The following ZNF787 variants were observed in gnomAD, a reference collection of about 807,000 sequenced individuals.
ZNF787 encodes zinc finger protein 787.
A neutral mutation model predicts 16.9 loss-of-function variants in ZNF787; 7 were observed. The ratio of observed to expected loss-of-function variants is 0.42; its 90% CI spans 0.24 to 0.78. ZNF787 has a LOEUF of 0.78. Ranked by LOEUF, ZNF787 falls within the 30% of genes least tolerant of loss-of-function variation. The pLI is 0.30. For synonymous variants in ZNF787, 345 were observed against 270.9 expected, an observed-to-expected ratio of 1.27 and a Z score of -2.69; for missense variants, 551 against 589.3, an observed-to-expected ratio of 0.94 and a Z score of 0.67.
At chr19:56,099,120 C>G (rs983837620) in intron 2 of ZNF787, among the ~76,000 whole-genome samples, 1 of 152,184 alleles carries the variant, frequency 6.6e-6, no homozygotes, top group Non-Finnish European at 1.5e-5. Context: ...CCACTGCTGT[C>G]CGGGTTCCCT....
Position 56,087,842 on chromosome 19 carries a change from G to A in ZNF787, c.*181C>T, listed in dbSNP as rs1985351302. On this transcript the variant is annotated 3_prime_UTR_variant, in exon 3 of 3. Transcript: ENST00000610935. ...GAGTCTCGAGGCGGAGAAGTGAACG[G>A]GCCCTAATACGCCCCAGTGCCCCCC... The A allele has an allele frequency of 2.0e-6, 2 of 1,000,756 alleles. No homozygotes were observed. The highest frequency in any genetic ancestry group is 2.6e-6 in the Non-Finnish European group (2 of 776,006). 62.0% of individuals were successfully genotyped at this position (1,000,756 alleles called of 1,614,324 possible). A position where few individuals can be genotyped will look rare whatever the true frequency, so the allele number is the denominator to read the frequency against.
In ZNF787 at chr19:56,087,861, G is replaced by GC. The variant is rs200557300; in HGVS notation, c.*161dup. Reference sequence around the variant, plus strand: ...TGAACGGGCCCTAATACGCCCCAGTGCCCCCCCACGGACGGCGCAGGGACA... The same window carrying GC: ...TGAACGGGCCCTAATACGCCCCAGTGCCCCCCCCACGGACGGCGCAGGGACA... On this transcript the variant is annotated 3_prime_UTR_variant, in exon 3 of 3. Coordinates refer to ENST00000610935, the MANE Select transcript of ZNF787 (RefSeq NM_001002836.4). 1.6e-3 allele frequency: 1,838 copies of GC among 1,151,406 alleles called. 5 individuals are homozygous for GC. The highest frequency in any genetic ancestry group is 7.1e-3 in the South Asian group (241 of 33,948). The allele number at this position is 1,151,406 out of a possible 1,614,324, so 71.3% of individuals were successfully genotyped here. A position where few individuals can be genotyped will look rare whatever the true frequency, so the allele number is the denominator to read the frequency against.
At chr19:56,120,912 C>G (rs1315548114) in intron 1 of ZNF787, among the ~76,000 whole-genome samples, 1 of 138,568 alleles carries the variant, frequency 7.2e-6, no homozygotes, top group Non-Finnish European at 1.6e-5. Context: ...ACGCGCACCC[C>G]CCCTCCAGCC....
intron 1 of ZNF787, among the ~76,000 whole-genome samples, chr19:56,114,630 C>G (rs1362574160): frequency 6.6e-6 from 1 of 152,326 alleles, no homozygotes; most frequent in South Asian, 2.1e-4. Flanking sequence ...GCCCACACCC[C>G]ACCTTTCCCA....
intron 1 of ZNF787, among the ~76,000 whole-genome samples, chr19:56,120,578 A>C (rs1271818304): frequency 6.6e-6 from 1 of 152,140 alleles, no homozygotes. Context: ...ATCAAAGGCC[A>C]CGCGCAGCCC....
chr19:56,099,815 G>A (rs1234025889), intron 2 of ZNF787, among the ~76,000 whole-genome samples: 1 of 152,084 alleles, frequency 6.6e-6, no homozygotes, highest in Non-Finnish European at 1.5e-5. Flanking sequence ...GCCGTGTCAG[G>A]GGTCCAAGAC....
In ZNF787 at chr19:56,087,904, G is replaced by A. The variant is rs968506615; in HGVS notation, c.*119C>T. 52 of 1,270,664 alleles carry A rather than the reference G, an allele frequency of 4.1e-5. No individual in the cohort carries two copies. Among genetic ancestry groups the A allele is most frequent in the African/African-American group, 1.3e-4 (8 of 63,070 alleles). 78.7% of individuals were successfully genotyped at this position (1,270,664 alleles called of 1,614,324 possible). ...CAGGGACAGAGGAGGGCGGGGAGCC[G>A]GGGATGCCGCGGGGTCCATCGCACC... On this transcript the variant is annotated 3_prime_UTR_variant, in exon 3 of 3. Coordinates refer to ENST00000610935, the MANE Select transcript of ZNF787 (RefSeq NM_001002836.4).
At chr19:56,091,976 C>CCGAAGG (rs1467765646) in intron 2 of ZNF787, among the ~76,000 whole-genome samples, 5 of 150,692 alleles carry the variant, frequency 3.3e-5, no homozygotes, top group Non-Finnish European at 7.4e-5. Flanking sequence ...GAAGCCAAAG[C>CCGAAGG]CGAAGGCGAA....
At chr19:56,106,969 G>A (rs1986348112) in intron 1 of ZNF787, among the ~76,000 whole-genome samples, 1 of 152,248 alleles carries the variant, frequency 6.6e-6, no homozygotes, top group South Asian at 2.1e-4. Context: ...CCCCACTGCA[G>A]GGTGCTGTCA....
intron 2 of ZNF787, among the ~76,000 whole-genome samples, chr19:56,094,207 T>TTTTTC (rs920821247): frequency 6.9e-6 from 1 of 145,618 alleles, no homozygotes; most frequent in African/African-American, 2.6e-5. Flanking sequence ...TTTTTTTTTT[T>TTTTTC]CATTTTCAGT....
intron 2 of ZNF787, among the ~76,000 whole-genome samples, chr19:56,091,443 G>A (rs1985570728): frequency 6.6e-6 from 1 of 152,144 alleles, no homozygotes; most frequent in Admixed American, 6.5e-5. Context: ...CGTGGAGAGC[G>A]CAGTGAGTGG....
At position 56,088,901 on chromosome 19, in the gene ZNF787, C is replaced by T. The variant is rs1985459048; in HGVS notation, c.271G>A (p.Glu91Lys). The T allele has an allele frequency of 6.2e-7, 1 of 1,600,444 alleles. No individual in the cohort carries two copies. The highest frequency in any genetic ancestry group is 1.3e-5 in the African/African-American group (1 of 74,190). The change falls in exon 3 of 3, where the codon GAG becomes AAG. Residue 91 changes from glutamate (E) to lysine (K), a missense_variant. Physicochemically the swap from Glu to Lys is moderately conservative, Grantham distance 56. Coordinates refer to ENST00000610935, the MANE Select transcript of ZNF787 (RefSeq NM_001002836.4). This position sits in a 1 kb window ranked among gnomAD's most constrained non-coding sequence, Gnocchi z 8.6. Reference protein sequence around the residue: ...LTRHQRTHTGERPNACADCGK... With the variant: ...LTRHQRTHTGKRPNACADCGK... ...CAGTCGGCGCAGGCGTTGGGCCGCT[C>T]GCCGGTGTGCGTGCGCTGGTGCCGC...
At chr19:56,107,259 G>A (rs987454334) in intron 1 of ZNF787, among the ~76,000 whole-genome samples, 8 of 152,186 alleles carry the variant, frequency 5.3e-5, no homozygotes, top group Admixed American at 3.3e-4. Context: ...GGCTGGAGGA[G>A]TACAGAAACA....
chr19:56,107,615 GCCC>G (rs1194180419), intron 1 of ZNF787, among the ~76,000 whole-genome samples: 4 of 149,508 alleles, frequency 2.7e-5, no homozygotes, highest in Non-Finnish European at 5.9e-5. Flanking sequence ...CCGAGGTCCT[GCCC>G]CCAAGGCTCA....
chr19:56,093,610 C>T (rs1279602647), intron 2 of ZNF787, among the ~76,000 whole-genome samples: 1 of 152,152 alleles, frequency 6.6e-6, no homozygotes, highest in South Asian at 2.1e-4. Flanking sequence ...GAGGCTCATT[C>T]GCTTTTAGGT....
chr19:56,090,993 G>A (rs1011620616), intron 2 of ZNF787, among the ~76,000 whole-genome samples: 2 of 152,166 alleles, frequency 1.3e-5, no homozygotes, highest in Admixed American at 6.5e-5. Context: ...TTGAACCTGC[G>A]GCAGAAGAAA....
At chr19:56,105,434 G>A (rs960782971) in intron 1 of ZNF787, 2 of 152,182 alleles carry the variant, frequency 1.3e-5, no homozygotes, top group African/African-American at 2.4e-5. Context: ...TGAGTGCAGC[G>A]GTGTTTACAA....
At position 56,098,411 on chromosome 19, in the gene ZNF787, C is replaced by A. The variant is rs144254700; in HGVS notation, c.79+4728G>T. ...CCCAAAGACAGGCAACCCCATGCTG[C>A]AGGGTGATGCCACCCAGGTAATACG... On this transcript the variant is annotated intron_variant, in intron 2 of 2. Transcript: ENST00000610935. Among the ~76,000 whole-genome samples the A allele has an allele frequency of 4.9e-3, 742 of 152,346 alleles. 11 individuals carry two copies. Among genetic ancestry groups the A allele is most frequent in the African/African-American group, 0.017 (699 of 41,580 alleles).
At chr19:56,102,652 C>T in intron 2 of ZNF787, 1 of 486,936 alleles carries the variant, frequency 2.1e-6, no homozygotes, top group Non-Finnish European at 3.6e-6. Flanking sequence ...CTGCGTCAGC[C>T]TGCGGGTTCC....
Sources: gnomAD v4.1 joint callset for allele counts (sites outside exome capture counted in the v4.1 genomes callset) on GRCh38, gnomAD v4.1.1 for gene constraint, Gnocchi (gnomAD v3.1) non-coding constraint, MANE v1.5 for transcripts, NCBI Gene and HGNC (gene_info 2026-07-23, HGNC 2026-07-21) for gene names.